The following GALNT2 variants were observed in gnomAD, a reference collection of about 807,000 sequenced individuals.
GALNT2 encodes the protein UDP-GalNAc:polypeptide N-acetylgalactosaminyltransferase 2.
In GALNT2, 31 loss-of-function variants were observed where a neutral mutation model predicts 81.4. That is an observed-to-expected ratio of 0.38 (90% CI 0.29 to 0.51). The LOEUF (loss-of-function observed/expected upper bound fraction) is 0.51. Ranked by LOEUF, GALNT2 falls within the 20% of genes least tolerant of loss-of-function variation. The pLI is 0.87. For synonymous variants in GALNT2, 303 were observed against 287.4 expected (o/e 1.05, Z -0.55); for missense variants, 629 against 765.7 (o/e 0.82, Z 2.11).
In GALNT2 at chr1:230,262,989, G is replaced by A. The variant is rs540616116; in HGVS notation, c.1297G>A (p.Val433Ile). 8 of 1,614,048 alleles carry A rather than the reference G, an allele frequency of 5.0e-6. No homozygotes were observed. Among genetic ancestry groups the A allele is most frequent in the South Asian group, 3.3e-5 (3 of 91,086 alleles). ...GCCTTTCAAATGGTACCTTGAAAAT[G>A]TCTATCCAGAGTTAAGGTAAGTCCC... ...CKPFKWYLEN[V>I]YPELRVPDHQ... Residue 433 changes from valine to isoleucine, a missense_variant, in exon 13 of 16, where the codon GTC becomes ATC. Physicochemically the swap from Val to Ile is conservative, Grantham distance 29. Coordinates refer to ENST00000366672, the MANE Select transcript of GALNT2 (RefSeq NM_004481.5).
chr1:230,075,741 G>C (rs1281659682), intron 1 of GALNT2, among the ~76,000 whole-genome samples: 1 of 152,146 alleles, frequency 6.6e-6, no homozygotes, highest in Non-Finnish European at 1.5e-5. Flanking sequence ...TGTGCAGAAA[G>C]GTGCTGTGTG....
At chr1:230,211,026 G>C (rs375079756) in intron 3 of GALNT2, among the ~76,000 whole-genome samples, 1 of 152,200 alleles carries the variant, frequency 6.6e-6, no homozygotes, top group Non-Finnish European at 1.5e-5. Flanking sequence ...TTCTTTTTAG[G>C]GGGGCAGAAG....
chr1:230,068,011 C>T (rs1461334224), intron 1 of GALNT2, among the ~76,000 whole-genome samples: 1 of 152,192 alleles, frequency 6.6e-6, no homozygotes, highest in Non-Finnish European at 1.5e-5. Flanking sequence ...TGCGCCCCTG[C>T]GCCCCGAGCG....
intron 1 of GALNT2, among the ~76,000 whole-genome samples, chr1:230,111,915 CTTT>C (rs5781566): frequency 2.7e-5 from 4 of 148,190 alleles, no homozygotes; most frequent in East Asian, 2.0e-4. Flanking sequence ...TTTTGTTATT[CTTT>C]TTTTTTTTTT....
rs1010093746 is a variant in GALNT2 at position 230,067,289 on chromosome 1, G to C, written c.9G>C (p.Arg3=). 7.4e-7 allele frequency: 1 copy of C among 1,358,272 alleles called. No individual in the cohort carries two copies. Among genetic ancestry groups the C allele is most frequent in the Non-Finnish European group, 9.6e-7 (1 of 1,041,764 alleles). The allele number at this position is 1,358,272 out of a possible 1,614,324, so 84.1% of individuals were successfully genotyped here. Residue 3 remains arginine (R), a synonymous_variant, in exon 1 of 16, where the codon CGG becomes CGC. Coordinates refer to ENST00000366672, the MANE Select transcript of GALNT2 (RefSeq NM_004481.5). ...GCGGCCGAGTTGGGAGAATGCGGCG[G>C]CGCTCGCGGATGCTGCTCTGCTTCG... MR[R]RSRMLLCFAF...
At chr1:230,157,848 G>C (rs900837911) in intron 1 of GALNT2, among the ~76,000 whole-genome samples, 15 of 152,338 alleles carry the variant, frequency 9.8e-5, no homozygotes, top group South Asian at 8.3e-4. Context: ...AATGTACTCA[G>C]GGGAGTTTTG....
chr1:230,246,041 T>A (rs1346611443), intron 7 of GALNT2, 22 bp from the exon 8 acceptor site: 1 of 1,593,194 alleles, frequency 6.3e-7, no homozygotes, highest in East Asian at 2.2e-5. Flanking sequence ...TTTTGATAAC[T>A]ACTCCTCTCT....
intron 1 of GALNT2, among the ~76,000 whole-genome samples, chr1:230,125,164 C>T (rs1450242353): frequency 2.0e-5 from 3 of 152,190 alleles, no homozygotes; most frequent in African/African-American, 7.2e-5. Flanking sequence ...CAAAGAGGGC[C>T]AAGTGTTTGA....
chr1:230,142,174 G>T (rs528273839), intron 1 of GALNT2, among the ~76,000 whole-genome samples: 1 of 152,114 alleles, frequency 6.6e-6, no homozygotes, highest in South Asian at 2.1e-4. Context: ...GGGGGAGGGT[G>T]GGGAAGGAGA....
intron 1 of GALNT2, among the ~76,000 whole-genome samples, chr1:230,169,309 G>A (rs532314789): frequency 3.7e-4 from 56 of 152,316 alleles, no homozygotes; most frequent in African/African-American, 1.3e-3. Context: ...CAAAGGGGAT[G>A]GGATAGAGTG....
intron 1 of GALNT2, among the ~76,000 whole-genome samples, chr1:230,157,888 T>TTG (rs1662310749): frequency 6.6e-6 from 1 of 152,122 alleles, no homozygotes; most frequent in Non-Finnish European, 1.5e-5. Context: ...TATATCTTGA[T>TTG]TGTGGTGGTG....
chr1:230,154,608 A>C (rs1662191634), intron 1 of GALNT2, among the ~76,000 whole-genome samples: 1 of 152,156 alleles, frequency 6.6e-6, no homozygotes, highest in Non-Finnish European at 1.5e-5. Flanking sequence ...GGGCTCTAGT[A>C]TGACTGGTGT....
chr1:230,233,566 T>G (rs1255186733), intron 3 of GALNT2, among the ~76,000 whole-genome samples: 1 of 152,122 alleles, frequency 6.6e-6, no homozygotes, highest in Non-Finnish European at 1.5e-5. Flanking sequence ...TGATCCGAGA[T>G]TGTGCCTCTG....
intron 1 of GALNT2, chr1:230,091,481 G>A (rs777821605): frequency 1.3e-5 from 2 of 152,066 alleles, no homozygotes; most frequent in African/African-American, 2.4e-5. Context: ...CGGCCTTCTC[G>A]TTCTGGGGAT....
chr1:230,205,034 G>T (rs1664017858), intron 3 of GALNT2, among the ~76,000 whole-genome samples: 1 of 152,186 alleles, frequency 6.6e-6, no homozygotes, highest in Non-Finnish European at 1.5e-5. Flanking sequence ...GAAGAAGGAA[G>T]TGCAGAAGCC....
intron 14 of GALNT2, among the ~76,000 whole-genome samples, chr1:230,265,843 TACTC>T (rs2102767649): frequency 1.3e-5 from 2 of 152,302 alleles, no homozygotes; most frequent in East Asian, 3.9e-4. Flanking sequence ...AGATAGAAGA[TACTC>T]AGTATTAATT....
chr1:230,121,493 C>T (rs898409052), intron 1 of GALNT2, among the ~76,000 whole-genome samples: 28 of 152,160 alleles, frequency 1.8e-4, no homozygotes, highest in African/African-American at 6.8e-4. Context: ...CTTCTTTGTC[C>T]CTGCCAGGTT....
At chr1:230,115,432 T>A (rs777264191) in intron 1 of GALNT2, among the ~76,000 whole-genome samples, 1 of 152,246 alleles carries the variant, frequency 6.6e-6, no homozygotes, top group Admixed American at 6.5e-5. Context: ...TCCTAGTGCA[T>A]ACAAAGTTAT....
At chr1:230,066,892 G>C (rs1214305249), upstream of GALNT2, among the ~76,000 whole-genome samples, 1 of 151,348 alleles carries the variant, frequency 6.6e-6, no homozygotes, top group African/African-American at 2.4e-5. Flanking sequence ...GGAGCACGCT[G>C]AGGGGCGGGC....
Sources: gnomAD v4.1 joint callset for allele counts (sites outside exome capture counted in the v4.1 genomes callset) on GRCh38, gnomAD v4.1.1 for gene constraint, MANE v1.5 for transcripts, NCBI Gene and HGNC (gene_info 2026-07-23, HGNC 2026-07-21) for gene names.